Variants in PTCH1 observed in about 807,000 individuals in gnomAD.
The protein encoded by PTCH1 is patched 1.
PTCH1 carries 14 observed loss-of-function variants against 144.6 expected under a neutral mutation model. The ratio of observed to expected loss-of-function variants is 0.10; its 90% CI spans 0.06 to 0.15. The LOEUF (loss-of-function observed/expected upper bound fraction) is 0.15, where lower values mean the gene tolerates loss of function less well. Ranked by LOEUF, PTCH1 falls within the 10% of genes least tolerant of loss-of-function variation. The pLI, the probability that PTCH1 is intolerant of heterozygous loss-of-function variation, is 1.00. For missense variants in PTCH1, 1,623 were observed against 1,948.3 expected (o/e 0.83, Z 3.14); for synonymous variants, 833 against 793.6 (o/e 1.05, Z -0.83).
intron 7 of PTCH1, among the ~76,000 whole-genome samples, 175 bp from the exon 8 acceptor site, chr9:95,479,322 G>T (rs138312474): frequency 6.6e-6 from 1 of 152,120 alleles, no homozygotes. Flanking sequence ...ATAGATTGAT[G>T]TACCATATTA....
intron 2 of PTCH1, among the ~76,000 whole-genome samples, chr9:95,487,845 T>C (rs1842090444): frequency 6.6e-6 from 1 of 152,176 alleles, no homozygotes; most frequent in Non-Finnish European, 1.5e-5. Flanking sequence ...CTTAAACCCA[T>C]GAAATTAAAA....
chr9:95,510,966 A>G (rs1301359568), upstream of PTCH1, among the ~76,000 whole-genome samples: 1 of 149,950 alleles, frequency 6.7e-6, no homozygotes, highest in Non-Finnish European at 1.5e-5. Context: ...CCGAGAGCCC[A>G]GGCGAGGCGC....
At chr9:95,482,320 T>C in intron 3 of PTCH1, 117 bp from the exon 4 acceptor site, 1 of 1,039,686 alleles carries the variant, frequency 9.6e-7, no homozygotes, top group Non-Finnish European at 1.4e-6. Flanking sequence ...TAAGCATCTG[T>C]CAAAACGAGC....
intron 16 of PTCH1, among the ~76,000 whole-genome samples, chr9:95,460,371 C>T (rs569257600): frequency 6.1e-4 from 93 of 152,294 alleles, no homozygotes; most frequent in African/African-American, 2.2e-3. Flanking sequence ...ACTCCGCACG[C>T]CGCGTCCTCT....
At chr9:95,474,578 G>T (rs1179427753) in intron 12 of PTCH1, among the ~76,000 whole-genome samples, 1 of 152,032 alleles carries the variant, frequency 6.6e-6, no homozygotes, top group Non-Finnish European at 1.5e-5. Context: ...TTCTTTTGGG[G>T]CTGGCGGTTA....
Position 95,508,436 on chromosome 9 carries a change from G to C in PTCH1, c.-75C>G. On this transcript the variant is annotated 5_prime_UTR_variant, in exon 1 of 24. Transcript: ENST00000331920. ...CCCGGCGCGCTGCTGCCGCTGCTGCGGGCTCCTGGCGCGCCTGGGCGCTCG... is the reference window on the plus strand; with the variant it reads ...CCCGGCGCGCTGCTGCCGCTGCTGCCGGCTCCTGGCGCGCCTGGGCGCTCG... 9.6e-7 allele frequency: 1 copy of C among 1,036,766 alleles called. No homozygotes were observed. The highest frequency in any genetic ancestry group is 1.2e-6 in the Non-Finnish European group (1 of 864,986). 64.2% of individuals were successfully genotyped at this position (1,036,766 alleles called of 1,614,324 possible). A position where few individuals can be genotyped will look rare whatever the true frequency, so the allele number is the denominator to read the frequency against.
rs2136574783 is a variant in PTCH1, at chr9:95,447,101, A to C, written c.4155T>G (p.Pro1385=). Residue 1385 remains proline, a synonymous_variant, in exon 23 of 24, where the codon CCT becomes CCG. Coordinates refer to ENST00000331920, the MANE Select transcript of PTCH1 (RefSeq NM_000264.5). The part of the protein sequence containing the change: ...ASVTVAVHPP[P]VPGPGRNPRG... Reference sequence around the variant, plus strand: ...GGGGGTTCCGCCCAGGCCCAGGGACAGGCGGCGGGTGCACGGCGACAGTCA... The same window carrying C: ...GGGGGTTCCGCCCAGGCCCAGGGACCGGCGGCGGGTGCACGGCGACAGTCA... 6.2e-7 allele frequency: 1 copy of C among 1,613,670 alleles called. No individual in the cohort carries two copies. The highest frequency in any genetic ancestry group is 8.5e-7 in the Non-Finnish European group (1 of 1,179,994).
intron 2 of PTCH1, among the ~76,000 whole-genome samples, chr9:95,505,629 ATTTCT>A (rs1789021419): frequency 6.6e-6 from 1 of 152,074 alleles, no homozygotes; most frequent in Non-Finnish European, 1.5e-5. Flanking sequence ...TTCTTAAAAC[ATTTCT>A]TTTCTTTGCC....
At chr9:95,467,059 T>C (rs1174586347) in intron 15 of PTCH1, 57 bp downstream of exon 15, 1 of 1,553,338 alleles carries the variant, frequency 6.4e-7, no homozygotes, top group Non-Finnish European at 8.9e-7. Context: ...CAAAGGAACC[T>C]GTTGAAGCTG....
In PTCH1 at chr9:95,458,326, C is replaced by T. The variant is rs1343977052; in HGVS notation, c.2888-33G>A. ...GAGAAGGGCACAGGTTAGGAGCAGC[C>T]CAGGGTAGAAGAGCATCACAGTTTC... is the stretch of plus-strand genomic sequence containing the variant. On this transcript the variant is annotated intron_variant, in intron 17 of 23. Coordinates refer to ENST00000331920, the MANE Select transcript of PTCH1 (RefSeq NM_000264.5). The surrounding 1 kb of genome is among the most constrained non-coding windows in gnomAD (Gnocchi z 4.7). 6.2e-7 allele frequency: 1 copy of T among 1,608,564 alleles called. No individual in the cohort carries two copies.
chr9:95,470,257 T>C (rs553609064), intron 12 of PTCH1, among the ~76,000 whole-genome samples: 6 of 152,298 alleles, frequency 3.9e-5, no homozygotes, highest in African/African-American at 1.2e-4. Flanking sequence ...ACACTCGAGA[T>C]AGAATTTAAA....
upstream of PTCH1, among the ~76,000 whole-genome samples, chr9:95,510,474 C>T (rs1163370317): frequency 1.3e-5 from 2 of 152,122 alleles, no homozygotes; most frequent in Non-Finnish European, 2.9e-5. Context: ...GATTCTGGAG[C>T]CAGACACGTC....
intron 3 of PTCH1, chr9:95,482,439 T>C (rs1308214933): frequency 3.6e-6 from 2 of 562,498 alleles, no homozygotes; most frequent in African/African-American, 3.8e-5. Flanking sequence ...CCAAAGTACT[T>C]GAAAAGTCTT....
intron 2 of PTCH1, among the ~76,000 whole-genome samples, chr9:95,489,685 T>A (rs954309978): frequency 6.6e-6 from 1 of 152,068 alleles, no homozygotes; most frequent in African/African-American, 2.4e-5. Context: ...TAAAATAATC[T>A]AATGTTCGTG....
upstream of PTCH1, among the ~76,000 whole-genome samples, chr9:95,509,319 G>T (rs1474772215): frequency 6.6e-6 from 1 of 152,240 alleles, no homozygotes; most frequent in Non-Finnish European, 1.5e-5. Flanking sequence ...CCGCCCCCGG[G>T]GCTGTCAGAT....
chr9:95,487,532 A>G (rs868116204), intron 2 of PTCH1, among the ~76,000 whole-genome samples: 2 of 152,306 alleles, frequency 1.3e-5, no homozygotes, highest in Non-Finnish European at 1.5e-5. Context: ...AGTACTTAAC[A>G]CCACGCAGAC....
intron 20 of PTCH1, 195 bp downstream of exon 20, chr9:95,453,283 C>G: frequency 2.9e-6 from 2 of 699,406 alleles, no homozygotes; most frequent in Admixed American, 2.3e-5. Flanking sequence ...AGGCACCCAC[C>G]ACCACGCCCG....
In PTCH1 at chr9:95,458,219, C is replaced by A. The variant is rs1257244317; in HGVS notation, c.2962G>T (p.Val988Leu). 1.2e-6 allele frequency: 2 copies of A among 1,614,014 alleles called. No homozygotes were observed. Among genetic ancestry groups the A allele is most frequent in the African/African-American group, 2.7e-5 (2 of 74,916 alleles). The change falls in exon 18 of 24, where the codon GTG (valine) becomes TTG (leucine). Residue 988 changes from valine (V) to leucine (L), a missense_variant. Coordinates refer to ENST00000331920, the MANE Select transcript of PTCH1 (RefSeq NM_000264.5). This position sits in a 1 kb window ranked among gnomAD's most constrained non-coding sequence, Gnocchi z 4.7. ...LNGLRDTSDF[V>L]EAIEKVRTIC... ...GTCCTTACTTTTTCAATTGCCTCCA[C>A]AAAGTCTGAGGTGTCCCGCAAGCCG... is the stretch of plus-strand genomic sequence containing the variant.
chr9:95,516,045 G>A (rs1316313502), intron 1 of PTCH1, among the ~76,000 whole-genome samples: 3 of 152,130 alleles, frequency 2.0e-5, no homozygotes, highest in African/African-American at 7.2e-5. Flanking sequence ...CACCAGCTCT[G>A]CCTCCGCTGG....
Sources: allele counts gnomAD v4.1 joint callset (sites outside exome capture counted in the v4.1 genomes callset), GRCh38; gene constraint gnomAD v4.1.1; non-coding constraint Gnocchi (gnomAD v3.1); transcripts MANE v1.5; gene names NCBI Gene and HGNC (gene_info 2026-07-23, HGNC 2026-07-21).